XKR9: variants seen among roughly 807,000 people sequenced by gnomAD.
The protein encoded by XKR9 is XK-related protein 9.
A neutral mutation model predicts 32.0 loss-of-function variants in XKR9; 32 were observed. The ratio of observed to expected loss-of-function variants is 1.00; its 90% CI spans 0.76 to 1.34. The LOEUF is 1.34. XKR9 is among the 40% of genes most tolerant of loss of function. XKR9 has a pLI of 0.00. For synonymous variants in XKR9, 168 were observed against 143.4 expected, an observed-to-expected ratio of 1.17 and a Z score of -1.22; for missense variants, 546 against 429.7, an observed-to-expected ratio of 1.27 and a Z score of -2.39.
chr8:70,727,296 A>G (rs1436250654), intron 4 of XKR9, among the ~76,000 whole-genome samples: 2 of 151,650 alleles, frequency 1.3e-5, no homozygotes, highest in Non-Finnish European at 2.9e-5. Flanking sequence ...ATTATATTTT[A>G]ACTAAAATAT....
the XKR9 span, among the ~76,000 whole-genome samples, chr8:70,923,647 A>G: frequency 6.6e-6 from 1 of 152,206 alleles, no homozygotes. Context: ...TTCTTTCCAC[A>G]CTGACTTCTC....
the XKR9 span, among the ~76,000 whole-genome samples, chr8:71,013,042 G>T: frequency 6.6e-6 from 1 of 152,164 alleles, no homozygotes; most frequent in Non-Finnish European, 1.5e-5. Flanking sequence ...GATGGAGATG[G>T]GGTGTGTGAG....
chr8:71,010,425 ATGTTT>A, the XKR9 span, among the ~76,000 whole-genome samples: 1 of 152,190 alleles, frequency 6.6e-6, no homozygotes, highest in Non-Finnish European at 1.5e-5. Context: ...GCTGGGAAGA[ATGTTT>A]GCAAAGCCTG....
At chr8:70,814,318 G>A in the XKR9 span, among the ~76,000 whole-genome samples, 1 of 152,022 alleles carries the variant, frequency 6.6e-6, no homozygotes, top group East Asian at 1.9e-4. Flanking sequence ...GGGAGGGATA[G>A]CATTAGGAGA....
chr8:70,707,223 GGC>G, intron 4 of XKR9, 70 bp downstream of exon 4: 1 of 1,252,496 alleles, frequency 8.0e-7, no homozygotes, highest in Non-Finnish European at 1.1e-6. Flanking sequence ...ATAAATCTTT[GGC>G]TGACTTTAGA....
At chr8:71,030,873 A>C in the XKR9 span, among the ~76,000 whole-genome samples, 2 of 152,178 alleles carry the variant, frequency 1.3e-5, no homozygotes, top group Non-Finnish European at 2.9e-5. Flanking sequence ...CTTTGGTTGA[A>C]TTCCCAATAT....
In XKR9 at chr8:70,703,167, G is replaced by GT. The variant is rs34811905; in HGVS notation, c.273-3756dup. Among the ~76,000 whole-genome samples, 192 of 148,286 alleles carry GT rather than the reference G, an allele frequency of 1.3e-3. 1 individual carries two copies. Among genetic ancestry groups the GT allele is most frequent in the Middle Eastern group, 6.8e-3 (2 of 292 alleles). ...GTTTTGGGTTAATATTTTTCCAAGT[G>GT]TTTTTTTTTTGCCCCTCTCTCTTTT... On this transcript the variant is annotated intron_variant, in intron 3 of 4. Transcript: ENST00000408926.
the XKR9 span, among the ~76,000 whole-genome samples, chr8:70,893,157 A>G: frequency 1.3e-5 from 2 of 152,100 alleles, no homozygotes; most frequent in African/African-American, 4.8e-5. Context: ...TCATTCATCA[A>G]ATTATTCAGC....
chr8:70,979,037 A>G, the XKR9 span, among the ~76,000 whole-genome samples: 1 of 152,130 alleles, frequency 6.6e-6, no homozygotes, highest in South Asian at 2.1e-4. Context: ...TGGCTACTGA[A>G]GGTTGTACAT....
the XKR9 span, among the ~76,000 whole-genome samples, chr8:70,809,762 C>A: frequency 8.6e-5 from 13 of 151,870 alleles, no homozygotes; most frequent in Non-Finnish European, 1.5e-5. Flanking sequence ...TAAAAAGAAA[C>A]AAAGCCTCCA....
chr8:70,773,246 A>C (rs1011616520), intron 2 of XKR9, among the ~76,000 whole-genome samples: 1 of 152,122 alleles, frequency 6.6e-6, no homozygotes, highest in African/African-American at 2.4e-5. Context: ...CCAAAACAGG[A>C]TTATTATTTG....
At chr8:70,979,677 A>T in the XKR9 span, among the ~76,000 whole-genome samples, 1 of 152,110 alleles carries the variant, frequency 6.6e-6, no homozygotes, top group African/African-American at 2.4e-5. Context: ...GTCAGCCCCT[A>T]CTGGGAGGTG....
chr8:70,821,971 C>T, the XKR9 span, among the ~76,000 whole-genome samples: 1 of 152,204 alleles, frequency 6.6e-6, no homozygotes, highest in Non-Finnish European at 1.5e-5. Context: ...GCTTGAATGT[C>T]TCCTCAGAAA....
chr8:70,705,853 C>T (rs887431662), intron 3 of XKR9, among the ~76,000 whole-genome samples: 1 of 152,046 alleles, frequency 6.6e-6, no homozygotes, highest in African/African-American at 2.4e-5. Flanking sequence ...TTGAAAGAAT[C>T]CAGGCCAGAG....
chr8:70,855,600 A>C, the XKR9 span, among the ~76,000 whole-genome samples: 1 of 152,264 alleles, frequency 6.6e-6, no homozygotes, highest in East Asian at 1.9e-4. Context: ...AGGCAGGCCA[A>C]CGTTCAGATT....
chr8:70,932,403 C>T, the XKR9 span, among the ~76,000 whole-genome samples: 1 of 152,000 alleles, frequency 6.6e-6, no homozygotes, highest in Non-Finnish European at 1.5e-5. Context: ...ATTCAGCAAA[C>T]TTTGATAACC....
At chr8:70,743,015 T>G (rs1807009559) in intron 2 of XKR9, among the ~76,000 whole-genome samples, 1 of 152,108 alleles carries the variant, frequency 6.6e-6, no homozygotes. Context: ...TTTTTCTTCT[T>G]CTTTATCTTC....
At chr8:70,896,703 T>A in the XKR9 span, among the ~76,000 whole-genome samples, 1 of 151,950 alleles carries the variant, frequency 6.6e-6, no homozygotes, top group Non-Finnish European at 1.5e-5. Context: ...TTCTTTCTGC[T>A]TGGTTTGGGT....
chr8:70,976,821 G>C, the XKR9 span, among the ~76,000 whole-genome samples: 1 of 152,310 alleles, frequency 6.6e-6, no homozygotes, highest in East Asian at 1.9e-4. Context: ...ACCTGTGGTA[G>C]AATTTGGCTG....
Sources: allele counts gnomAD v4.1 joint callset (sites outside exome capture counted in the v4.1 genomes callset), GRCh38; gene constraint gnomAD v4.1.1; transcripts MANE v1.5; gene names NCBI Gene and HGNC (gene_info 2026-07-23, HGNC 2026-07-21).